BTBD9: variants seen among roughly 807,000 people sequenced by gnomAD.
BTBD9 encodes the protein BTB/POZ domain-containing protein 9.
Under a neutral mutation model 64.3 loss-of-function variants are expected in BTBD9, and 49 were observed. The observed-to-expected ratio is 0.76, with a 90% CI of 0.61 to 0.97. The LOEUF (loss-of-function observed/expected upper bound fraction) is 0.97, where lower values mean the gene tolerates loss of function less well. Among genes scored for constraint, BTBD9 ranks in the 50% least tolerant of loss-of-function variants. The pLI is 0.00. For synonymous variants in BTBD9, 260 were observed against 274.7 expected, an observed-to-expected ratio of 0.95 and a Z score of 0.53; for missense variants, 598 against 762.1, an observed-to-expected ratio of 0.78 and a Z score of 2.53.
intron 6 of BTBD9, among the ~76,000 whole-genome samples, chr6:38,510,842 G>A (rs1355111216): frequency 6.6e-6 from 1 of 152,116 alleles, no homozygotes; most frequent in Non-Finnish European, 1.5e-5. Context: ...GGGCAGAAAC[G>A]TGCATGGAGC....
intron 7 of BTBD9, among the ~76,000 whole-genome samples, chr6:38,331,071 T>C (rs1380271894): frequency 6.6e-6 from 1 of 152,146 alleles, no homozygotes. Flanking sequence ...AAAATATCTA[T>C]GCAAAAAGGC....
chr6:38,636,152 A>G (rs2127536992), intron 1 of BTBD9, among the ~76,000 whole-genome samples: 1 of 152,334 alleles, frequency 6.6e-6, no homozygotes, highest in South Asian at 2.1e-4. Context: ...TTTAATTCAG[A>G]TAAGAAGCCT....
In BTBD9 at chr6:38,192,558, G is replaced by A; in HGVS notation, c.1602C>T (p.Ser534=). ...TGTGTGTCCCAACGATACGGATGAAGGAGGCAGGCTGCCTTTCAAAAGTTA... is the reference window on the plus strand; with the variant it reads ...TGTGTGTCCCAACGATACGGATGAAAGAGGCAGGCTGCCTTTCAAAAGTTA... ...QSVTFERQPA[S]FIRIVGTHNT... The change falls in exon 10 of 11, where the codon TCC becomes TCT. Residue 534 remains serine, a synonymous_variant. Coordinates refer to ENST00000481247, the MANE Select transcript of BTBD9 (RefSeq NM_001099272.2). 1 of 1,613,972 alleles carries A rather than the reference G, an allele frequency of 6.2e-7. No homozygotes were observed. The highest frequency in any genetic ancestry group is 8.5e-7 in the Non-Finnish European group (1 of 1,179,954).
intron 6 of BTBD9, among the ~76,000 whole-genome samples, chr6:38,374,631 T>C (rs897938494): frequency 7.2e-5 from 11 of 151,886 alleles, no homozygotes; most frequent in African/African-American, 2.7e-4. Context: ...ACAAATTATT[T>C]GGGGAAAAAA....
intron 8 of BTBD9, among the ~76,000 whole-genome samples, chr6:38,275,026 G>T (rs1380369669): frequency 2.6e-5 from 4 of 152,154 alleles, no homozygotes; most frequent in Non-Finnish European, 2.9e-5. Flanking sequence ...CCAAAAAAGA[G>T]CCCGCATCGC....
At chr6:38,580,479 T>C (rs747233239) in intron 4 of BTBD9, 42 bp from the exon 5 acceptor site, 2 of 1,507,914 alleles carry the variant, frequency 1.3e-6, no homozygotes, top group Non-Finnish European at 1.8e-6. Context: ...TGATTACTTA[T>C]TTATTCTGTA....
chr6:38,430,449 T>C (rs1321257521), intron 6 of BTBD9, among the ~76,000 whole-genome samples: 1 of 151,434 alleles, frequency 6.6e-6, no homozygotes, highest in Non-Finnish European at 1.5e-5. Context: ...CATCTTGAAC[T>C]CCTGGCCTCA....
chr6:38,587,022 C>T (rs1026153416), intron 4 of BTBD9, among the ~76,000 whole-genome samples: 10 of 150,740 alleles, frequency 6.6e-5, no homozygotes, highest in African/African-American at 2.4e-5. Context: ...GAGATTGTGT[C>T]GTTGCATTCC....
intron 8 of BTBD9, among the ~76,000 whole-genome samples, chr6:38,274,016 T>C (rs1266241835): frequency 2.0e-5 from 3 of 152,328 alleles, no homozygotes; most frequent in East Asian, 3.9e-4. Flanking sequence ...CATCATCTTC[T>C]TGTCCACAAT....
rs1242731200 is a variant in BTBD9 at position 38,592,704 on chromosome 6, A to T, written c.686T>A (p.Leu229His). Residue 229 changes from leucine (L) to histidine (H), a missense_variant, in exon 4 of 11, where the codon CTC becomes CAC. Leu to His is a moderately conservative substitution (Grantham distance 99). Transcript: ENST00000481247. ...AEIMQAVRLPLMSLTELLNVV... is the reference protein window; with the variant it reads ...AEIMQAVRLPHMSLTELLNVV... ...ATTCAGAAGCTCTGTGAGGCTCATG[A>T]GAGGTAAACGCACAGCCTGCATGAT... 1 of 1,614,202 alleles carries T rather than the reference A, an allele frequency of 6.2e-7. No homozygotes were observed. Among genetic ancestry groups the T allele is most frequent in the African/African-American group, 1.3e-5 (1 of 75,050 alleles).
chr6:38,342,535 CAAAAAAAAAAAA>C (rs762825969), intron 7 of BTBD9, among the ~76,000 whole-genome samples: 106 of 54,866 alleles, frequency 1.9e-3, no homozygotes, highest in African/African-American at 5.4e-3. Flanking sequence ...GACTCTGTCT[CAAAAAAAAAAAA>C]AAAAAAAAAA....
chr6:38,190,208 G>A (rs569673827), intron 10 of BTBD9, among the ~76,000 whole-genome samples: 1 of 151,802 alleles, frequency 6.6e-6, no homozygotes, highest in Non-Finnish European at 1.5e-5. Context: ...GCTCATGCCT[G>A]TAATCCTAGC....
chr6:38,373,411 G>A (rs1429237677), intron 6 of BTBD9, among the ~76,000 whole-genome samples: 2 of 152,118 alleles, frequency 1.3e-5, no homozygotes, highest in Non-Finnish European at 2.9e-5. Flanking sequence ...CACGTTCTTA[G>A]TATATTACTT....
intron 6 of BTBD9, among the ~76,000 whole-genome samples, chr6:38,459,271 G>A (rs1322326729): frequency 6.6e-6 from 1 of 152,138 alleles, no homozygotes; most frequent in Non-Finnish European, 1.5e-5. Flanking sequence ...CCCAGCCTCG[G>A]CCTCCCAAAG....
At chr6:38,273,360 T>C (rs1241613339) in intron 8 of BTBD9, among the ~76,000 whole-genome samples, 1 of 152,168 alleles carries the variant, frequency 6.6e-6, no homozygotes, top group Non-Finnish European at 1.5e-5. Context: ...TTGTTTTGAT[T>C]TGATAACTGA....
At chr6:38,569,766 T>G (rs1296321862) in intron 6 of BTBD9, among the ~76,000 whole-genome samples, 1 of 152,028 alleles carries the variant, frequency 6.6e-6, no homozygotes, top group Non-Finnish European at 1.5e-5. Flanking sequence ...TTACTGAATA[T>G]AAAACATGGC....
intron 6 of BTBD9, among the ~76,000 whole-genome samples, chr6:38,481,338 G>A (rs1440112554): frequency 1.3e-5 from 2 of 152,138 alleles, no homozygotes; most frequent in Non-Finnish European, 2.9e-5. Context: ...TGGCAAGATG[G>A]CACAGCACAG....
chr6:38,518,114 G>C (rs1186730587), intron 6 of BTBD9, among the ~76,000 whole-genome samples: 2 of 152,154 alleles, frequency 1.3e-5, no homozygotes, highest in Non-Finnish European at 2.9e-5. Context: ...GTCACTAACT[G>C]AGAAACCATT....
intron 9 of BTBD9, among the ~76,000 whole-genome samples, chr6:38,223,484 C>G (rs1427973561): frequency 6.6e-6 from 1 of 152,084 alleles, no homozygotes; most frequent in Non-Finnish European, 1.5e-5. Flanking sequence ...CAGGCACGAG[C>G]CACCATGTCT....
Sources: allele counts gnomAD v4.1 joint callset (sites outside exome capture counted in the v4.1 genomes callset), GRCh38; gene constraint gnomAD v4.1.1; transcripts MANE v1.5; gene names NCBI Gene and HGNC (gene_info 2026-07-23, HGNC 2026-07-21).